Variants in PLXDC2 observed in about 807,000 individuals in gnomAD.
PLXDC2 encodes plexin domain containing 2, also known as plexin domain-containing protein 2.
A neutral mutation model predicts 68.9 loss-of-function variants in PLXDC2; 40 were observed. That is an observed-to-expected ratio of 0.58 (90% CI 0.45 to 0.76). The LOEUF (loss-of-function observed/expected upper bound fraction) is 0.76. Ranked by LOEUF, PLXDC2 falls within the 30% of genes least tolerant of loss-of-function variation. The pLI is 0.00. For missense variants in PLXDC2, 644 were observed against 661.9 expected (o/e 0.97, Z 0.30); for synonymous variants, 243 against 234.2 (o/e 1.04, Z -0.34).
intron 9 of PLXDC2, among the ~76,000 whole-genome samples, chr10:20,194,525 A>T (rs1481469203): frequency 6.6e-6 from 1 of 152,108 alleles, no homozygotes; most frequent in Non-Finnish European, 1.5e-5. Context: ...TTATTAAAAG[A>T]TATTCTAATT....
chr10:20,156,878 T>G (rs1366132838), intron 6 of PLXDC2, among the ~76,000 whole-genome samples: 1 of 152,212 alleles, frequency 6.6e-6, no homozygotes, highest in Admixed American at 6.5e-5. Flanking sequence ...TCTATTCAAG[T>G]GTAGTTTACA....
In PLXDC2 at chr10:19,943,187, CGATTAT is replaced by C. The variant is rs200712001; in HGVS notation, c.113-58587_113-58582del. Among the ~76,000 whole-genome samples the C allele has an allele frequency of 4.5e-3, 688 of 152,086 alleles. 11 individuals are homozygous for C. Among genetic ancestry groups the C allele is most frequent in the East Asian group, 0.033 (169 of 5,174 alleles). ...GGAGCTGAAGTATGGAGTTAACCCA[CGATTAT>C]TGAATAATCCAGATTTAGCCAACTT... On this transcript the variant is annotated intron_variant, in intron 1 of 13. Transcript: ENST00000377252.
intron 1 of PLXDC2, among the ~76,000 whole-genome samples, chr10:19,997,614 T>A (rs1834863864): frequency 1.3e-5 from 2 of 152,210 alleles, no homozygotes; most frequent in South Asian, 2.1e-4. Flanking sequence ...GATATTTTAA[T>A]AAAATCATTA....
chr10:19,920,517 G>T (rs548311458), intron 1 of PLXDC2, among the ~76,000 whole-genome samples: 26 of 152,366 alleles, frequency 1.7e-4, no homozygotes, highest in African/African-American at 6.3e-4. Context: ...ACCAGGCCAT[G>T]AACTGGTGGA....
In PLXDC2 at chr10:20,177,027, C is replaced by G. The variant is rs1270123130; in HGVS notation, c.912C>G (p.Tyr304Ter). The G allele has an allele frequency of 6.2e-7, 1 of 1,610,578 alleles. No homozygotes were observed. The highest frequency in any genetic ancestry group is 8.5e-7 in the Non-Finnish European group (1 of 1,178,572). The change falls in exon 8 of 14, where the codon TAC (tyrosine) becomes TAG (stop). Residue 304 changes from tyrosine (Y) to a stop codon, truncating the protein, a stop_gained. Coordinates refer to ENST00000377252, the MANE Select transcript of PLXDC2 (RefSeq NM_032812.9). LOFTEE classifies it high-confidence loss of function. Reference protein sequence around the residue: ...PNVRRRTIYEYHRVELQMSKI... With the variant: ...PNVRRRTIYE ...TTCGAAGAAGAACAATTTATGAATA[C>G]CACCGAGTAGAGCTACAAATGTCAA...
intron 13 of PLXDC2, among the ~76,000 whole-genome samples, chr10:20,270,158 T>C (rs1330528133): frequency 1.3e-5 from 2 of 152,178 alleles, no homozygotes; most frequent in African/African-American, 4.8e-5. Flanking sequence ...ATTGGTAGTC[T>C]ATACGTGAAG....
At chr10:20,185,161 A>G (rs869095084) in intron 9 of PLXDC2, among the ~76,000 whole-genome samples, 26 of 20,300 alleles carry the variant, frequency 1.3e-3, no homozygotes, top group South Asian at 4.2e-3. Context: ...AACTGAAAGG[A>G]AAAAAAAAAA....
chr10:20,163,784 A>C (rs1226008047), intron 6 of PLXDC2, among the ~76,000 whole-genome samples: 1 of 152,124 alleles, frequency 6.6e-6, no homozygotes, highest in Non-Finnish European at 1.5e-5. Context: ...TTCTCAATGT[A>C]TCATAATTTT....
intron 1 of PLXDC2, among the ~76,000 whole-genome samples, chr10:19,922,804 A>G (rs1833481817): frequency 6.6e-6 from 1 of 152,172 alleles, no homozygotes; most frequent in Non-Finnish European, 1.5e-5. Context: ...CCCATTTTGG[A>G]CTGGCTTCAA....
At chr10:19,862,664 A>C (rs374078568) in intron 1 of PLXDC2, among the ~76,000 whole-genome samples, 2 of 152,352 alleles carry the variant, frequency 1.3e-5, no homozygotes, top group Admixed American at 1.3e-4. Context: ...ACACTACACA[A>C]CAAGTATGCA....
intron 1 of PLXDC2, among the ~76,000 whole-genome samples, chr10:19,846,007 T>A (rs1352382379): frequency 3.9e-5 from 6 of 152,146 alleles, no homozygotes; most frequent in Non-Finnish European, 8.8e-5. Context: ...CCTCAGTAGG[T>A]CTCTATCTAT....
chr10:19,969,401 CA>C (rs1834313773), intron 1 of PLXDC2, among the ~76,000 whole-genome samples: 1 of 152,180 alleles, frequency 6.6e-6, no homozygotes, highest in South Asian at 2.1e-4. Context: ...CATGATATTC[CA>C]CCAACCTCCC....
rs534639777 is a variant in PLXDC2, at chr10:19,864,303, C to G, written c.112+47112C>G. 9.7e-4 allele frequency among the ~76,000 whole-genome samples: 148 copies of G among 152,136 alleles called. 5 individuals carry two copies. The South Asian group carries it at 0.03, about 31-fold the overall frequency. On this transcript the variant is annotated intron_variant, in intron 1 of 13. Transcript: ENST00000377252. ...TTATGAATGAATCACCTTGCCCTGC[C>G]AAGATTTTGAAATTTGAATATAAGA...
At chr10:19,834,807 C>G (rs142772097) in intron 1 of PLXDC2, among the ~76,000 whole-genome samples, 1 of 152,214 alleles carries the variant, frequency 6.6e-6, no homozygotes, top group African/African-American at 2.4e-5. Context: ...TGAAGGGATA[C>G]AAAATACAGC....
intron 1 of PLXDC2, among the ~76,000 whole-genome samples, chr10:19,887,588 G>C (rs1837872489): frequency 6.6e-6 from 1 of 152,108 alleles, no homozygotes; most frequent in Non-Finnish European, 1.5e-5. Context: ...ATTTATATGA[G>C]TGAAATGTTG....
At chr10:20,242,177 A>G (rs1835525044) in intron 12 of PLXDC2, among the ~76,000 whole-genome samples, 1 of 152,208 alleles carries the variant, frequency 6.6e-6, no homozygotes, top group African/African-American at 2.4e-5. Flanking sequence ...TTATAAAAAT[A>G]AGAAAATAGA....
At chr10:19,973,602 C>T (rs1240584804) in intron 1 of PLXDC2, among the ~76,000 whole-genome samples, 1 of 152,080 alleles carries the variant, frequency 6.6e-6, no homozygotes, top group Non-Finnish European at 1.5e-5. Context: ...AATCAAAAGA[C>T]ATACGTTTTA....
At chr10:19,819,293 T>A (rs2131991929) in intron 1 of PLXDC2, among the ~76,000 whole-genome samples, 1 of 152,344 alleles carries the variant, frequency 6.6e-6, no homozygotes, top group East Asian at 1.9e-4. Flanking sequence ...GGTTTTAAAT[T>A]CCTTGCCAAA....
At chr10:20,025,192 T>A (rs1404202892) in intron 2 of PLXDC2, among the ~76,000 whole-genome samples, 2 of 152,180 alleles carry the variant, frequency 1.3e-5, no homozygotes, top group Admixed American at 1.3e-4. Flanking sequence ...GTAGCTAAAC[T>A]AATTTACATT....
Sources: gnomAD v4.1 joint callset for allele counts (sites outside exome capture counted in the v4.1 genomes callset) on GRCh38, gnomAD v4.1.1 for gene constraint, MANE v1.5 for transcripts, NCBI Gene and HGNC (gene_info 2026-07-23, HGNC 2026-07-21) for gene names.